VPS13C: variants seen among roughly 807,000 people sequenced by gnomAD.
VPS13C encodes the protein vacuolar protein sorting 13 homolog C.
VPS13C carries 358 observed loss-of-function variants against 456.8 expected under a neutral mutation model. The observed-to-expected ratio is 0.78, with a 90% CI of 0.72 to 0.86. The LOEUF (loss-of-function observed/expected upper bound fraction) is 0.86. VPS13C is among the 40% of genes least tolerant of loss of function. VPS13C has a pLI of 0.00. For synonymous variants in VPS13C, 1,578 were observed against 1,486.7 expected, an observed-to-expected ratio of 1.06 and a Z score of -1.41; for missense variants, 4,818 against 4,385.4, an observed-to-expected ratio of 1.10 and a Z score of -2.79.
At chr15:61,875,057 C>T (rs904648083) in intron 76 of VPS13C, 106 bp from the exon 77 acceptor site, 1 of 985,128 alleles carries the variant, frequency 1.0e-6, no homozygotes. Context: ...TGTAAAAATC[C>T]ATAAACATTG....
chr15:61,929,813 C>T (rs1030740075), intron 50 of VPS13C, 65 bp from the exon 51 acceptor site: 83 of 1,416,122 alleles, frequency 5.9e-5, no homozygotes, highest in Middle Eastern at 4.6e-4. Flanking sequence ...TGAAGAATTT[C>T]CTATATACCT....
Position 61,917,474 on chromosome 15 carries a change from G to A in VPS13C, c.7922C>T (p.Thr2641Ile), listed in dbSNP as rs1208641054. ...EVSFLPLIVN[T>I]VALPDELSYI... is the part of the protein sequence containing the mutation. ...GCTCAATTCATCAGGCAGAGCAACT[G>A]TATTCACTATGAGAGGTAAGAAGCT... The change falls in exon 60 of 85, where the codon ACA (threonine) becomes ATA (isoleucine). Residue 2641 changes from threonine (T) to isoleucine (I), a missense_variant. Transcript: ENST00000644861. 6.2e-7 allele frequency: 1 copy of A among 1,614,036 alleles called. No homozygotes were observed. The highest frequency in any genetic ancestry group is 8.5e-7 in the Non-Finnish European group (1 of 1,179,928).
In VPS13C at chr15:61,978,714, A is replaced by G. The variant is rs184122842; in HGVS notation, c.2202T>C (p.Thr734=). 1 of 1,610,870 alleles carries G rather than the reference A, an allele frequency of 6.2e-7. No homozygotes were observed. The highest frequency in any genetic ancestry group is 1.7e-5 in the Admixed American group (1 of 59,534). The part of the protein sequence containing the change: ...NSKDQGLQKT[T]NSSLEEIMDK... ...CCATTATTTCTTCCAGAGATGAATT[A>G]GTAGTCTTCTGTAAACCTTGATCTT... The change falls in exon 23 of 85, where the codon ACT becomes ACC. Residue 734 remains threonine, a synonymous_variant. Transcript: ENST00000644861.
chr15:61,878,560 TGA>T, intron 74 of VPS13C, 45 bp downstream of exon 74: 1 of 1,587,390 alleles, frequency 6.3e-7, no homozygotes, highest in Non-Finnish European at 8.5e-7. Flanking sequence ...TCTAGAAACA[TGA>T]CCTTGGTACA....
chr15:61,925,083 A>C (rs2043801141), intron 53 of VPS13C, among the ~76,000 whole-genome samples: 1 of 152,164 alleles, frequency 6.6e-6, no homozygotes, highest in African/African-American at 2.4e-5. Context: ...CATCAAATAA[A>C]AGCCTAAAAA....
chr15:61,900,399 A>G (rs1354356279), intron 66 of VPS13C, among the ~76,000 whole-genome samples: 1 of 152,242 alleles, frequency 6.6e-6, no homozygotes, highest in African/African-American at 2.4e-5. Context: ...TAAGCTGATA[A>G]GCAACTTCAG....
Position 61,853,144 on chromosome 15 carries a change from C to T in VPS13C, c.*1313G>A, listed in dbSNP as rs546038730. The stretch of plus-strand genomic sequence containing the variant: ...AAATACTGTCCTGAATTGATTCTCA[C>T]AGGGCCTGCTCCCTCACAGAACACA... On this transcript the variant is annotated 3_prime_UTR_variant, in exon 85 of 85. Transcript: ENST00000644861. The T allele has an allele frequency of 6.6e-6, 1 of 152,166 alleles. No individual in the cohort carries two copies. Among genetic ancestry groups the T allele is most frequent in the Non-Finnish European group, 1.5e-5 (1 of 68,008 alleles). 9.4% of individuals were successfully genotyped at this position (152,166 alleles called of 1,614,324 possible). A position where few individuals can be genotyped will look rare whatever the true frequency, so the allele number is the denominator to read the frequency against.
chr15:61,865,717 T>C, intron 81 of VPS13C: 1 of 434,584 alleles, frequency 2.3e-6, no homozygotes, highest in Non-Finnish European at 3.0e-6. Context: ...TGTATGTGTG[T>C]ATATATGTGT....
At chr15:61,996,498 A>C (rs12443311) in intron 16 of VPS13C, among the ~76,000 whole-genome samples, 87,474 of 151,866 alleles carry the variant, frequency 0.58, 25,367 homozygotes, top group Admixed American at 0.64. Context: ...GAAAATGTAA[A>C]CAATTCTCAA....
chr15:61,936,560 A>AT (rs1377728504), intron 48 of VPS13C, 37 bp downstream of exon 48: 23 of 1,495,682 alleles, frequency 1.5e-5, no homozygotes, highest in Non-Finnish European at 1.7e-5. Context: ...ATTAACACCA[A>AT]TTTTTTCTCC....
chr15:61,976,030 T>G (rs532721019), intron 24 of VPS13C, among the ~76,000 whole-genome samples: 14 of 152,086 alleles, frequency 9.2e-5, no homozygotes, highest in Non-Finnish European at 1.5e-4. Context: ...AGTTTGAAGG[T>G]AATTTTATAC....
At chr15:61,986,279 GAC>G (rs1434589396) in intron 18 of VPS13C, among the ~76,000 whole-genome samples, 18 of 151,588 alleles carry the variant, frequency 1.2e-4, no homozygotes, top group Non-Finnish European at 2.5e-4. Flanking sequence ...TAGGGTCAAA[GAC>G]ATAAAAGATA....
chr15:61,946,390 C>G lies in VPS13C; in HGVS notation c.4897G>C (p.Val1633Leu), dbSNP rs1203480572. ...KIHGMDASIS[V>L]KPKQTDVFAR... The stretch of plus-strand genomic sequence containing the variant: ...AACACATCAGTCTGCTTAGGCTTCA[C>G]AGAAATAGAGGCATCCATTCCTATA... Residue 1633 changes from valine (V) to leucine (L), a missense_variant, in exon 44 of 85, where the codon GTG (valine) becomes CTG (leucine). Physicochemically the swap from Val to Leu is conservative, Grantham distance 32 (BLOSUM62 1). Transcript: ENST00000644861. The G allele has an allele frequency of 1.9e-6, 3 of 1,605,350 alleles. No individual in the cohort carries two copies. Among genetic ancestry groups the G allele is most frequent in the Non-Finnish European group, 2.6e-6 (3 of 1,176,398 alleles).
At chr15:62,038,655 A>G (rs2048141717) in intron 3 of VPS13C, among the ~76,000 whole-genome samples, 1 of 152,164 alleles carries the variant, frequency 6.6e-6, no homozygotes, top group African/African-American at 2.4e-5. Context: ...AATAATCAAC[A>G]CAGTAAACAG....
At chr15:61,866,293 T>C in intron 81 of VPS13C, 5 of 983,614 alleles carry the variant, frequency 5.1e-6, no homozygotes, top group Non-Finnish European at 6.0e-6. Flanking sequence ...GTCTGATATC[T>C]TAATAAAAAC....
intron 32 of VPS13C, 95 bp downstream of exon 32, chr15:61,963,740 A>T: frequency 1.2e-6 from 1 of 859,150 alleles, no homozygotes; most frequent in Non-Finnish European, 1.9e-6. Context: ...CACAGCTTAG[A>T]GCCCTTTATT....
intron 67 of VPS13C, among the ~76,000 whole-genome samples, chr15:61,887,571 G>T (rs568636795): frequency 1.3e-5 from 2 of 152,202 alleles, no homozygotes; most frequent in African/African-American, 4.8e-5. Flanking sequence ...CGTGCCTGTA[G>T]TCCCAGATAC....
At chr15:61,871,842 A>AC in intron 79 of VPS13C, 147 bp downstream of exon 79, 2 of 648,886 alleles carry the variant, frequency 3.1e-6, no homozygotes, top group Non-Finnish European at 5.1e-6. Context: ...TAAGGAAAAT[A>AC]CATTCATTGA....
At chr15:62,030,215 A>ATT (rs1429717076) in intron 5 of VPS13C, among the ~76,000 whole-genome samples, 3 of 152,200 alleles carry the variant, frequency 2.0e-5, no homozygotes, top group Admixed American at 6.5e-5. Context: ...TAAGCAAATA[A>ATT]GAAAGCAGCA....
Sources: gnomAD v4.1 joint callset for allele counts (sites outside exome capture counted in the v4.1 genomes callset) on GRCh38, gnomAD v4.1.1 for gene constraint, MANE v1.5 for transcripts, NCBI Gene and HGNC (gene_info 2026-07-23, HGNC 2026-07-21) for gene names.